Variants in AUTS2 observed in about 807,000 individuals in gnomAD.
AUTS2 encodes the protein autism susceptibility gene 2 protein.
A neutral mutation model predicts 112.4 loss-of-function variants in AUTS2; 17 were observed. That is an observed-to-expected ratio of 0.15 (90% confidence interval 0.10 to 0.23). The LOEUF (loss-of-function observed/expected upper bound fraction) is 0.23. Among genes scored for constraint, AUTS2 ranks in the 10% least tolerant of loss-of-function variants. The pLI is 1.00. For synonymous variants in AUTS2, 751 were observed against 702.7 expected (o/e 1.07, Z -1.09); for missense variants, 1,510 against 1,701.6 (o/e 0.89, Z 1.98).
At chr7:70,649,477 CAG>C (rs1806365815) in intron 5 of AUTS2, among the ~76,000 whole-genome samples, 1 of 151,930 alleles carries the variant, frequency 6.6e-6, no homozygotes, top group Non-Finnish European at 1.5e-5. Context: ...GATTTAATCT[CAG>C]AGTGTCCCAG....
intron 1 of AUTS2, among the ~76,000 whole-genome samples, chr7:69,671,746 C>T: frequency 6.6e-6 from 1 of 152,092 alleles, no homozygotes; most frequent in East Asian, 1.9e-4. Context: ...TTGGATGAAG[C>T]AGCAGTTTGT....
intron 4 of AUTS2, among the ~76,000 whole-genome samples, chr7:70,140,044 A>G (rs1806775707): frequency 6.6e-6 from 1 of 152,158 alleles, no homozygotes. Context: ...TAATTTAATA[A>G]TCCCAGTCTC....
At chr7:70,761,623 G>A (rs1280713913) in intron 6 of AUTS2, among the ~76,000 whole-genome samples, 1 of 152,046 alleles carries the variant, frequency 6.6e-6, no homozygotes, top group African/African-American at 2.4e-5. Context: ...TGCCCTACTG[G>A]TCTTTCGTTA....
chr7:70,049,766 G>T (rs1312185135), intron 2 of AUTS2, among the ~76,000 whole-genome samples: 1 of 152,076 alleles, frequency 6.6e-6, no homozygotes, highest in Non-Finnish European at 1.5e-5. Context: ...CACTTTGAGA[G>T]GCTGAGGCAG....
At chr7:70,615,910 C>A (rs959128530) in intron 5 of AUTS2, among the ~76,000 whole-genome samples, 2 of 151,978 alleles carry the variant, frequency 1.3e-5, no homozygotes, top group Non-Finnish European at 2.9e-5. Context: ...TTGCCGAGCT[C>A]ATTTTTATAT....
intron 5 of AUTS2, among the ~76,000 whole-genome samples, chr7:70,627,978 G>A (rs991836104): frequency 7.2e-5 from 11 of 152,138 alleles, no homozygotes; most frequent in African/African-American, 2.2e-4. Flanking sequence ...GAAGCTTGCC[G>A]GGATACTCTT....
At chr7:70,575,211 G>A (rs1802109418) in intron 5 of AUTS2, among the ~76,000 whole-genome samples, 1 of 152,192 alleles carries the variant, frequency 6.6e-6, no homozygotes, top group Non-Finnish European at 1.5e-5. Context: ...AATCTACTGA[G>A]ATTATTTTTG....
At chr7:70,391,247 T>A (rs1243099920) in intron 4 of AUTS2, among the ~76,000 whole-genome samples, 1 of 152,196 alleles carries the variant, frequency 6.6e-6, no homozygotes, top group African/African-American at 2.4e-5. Context: ...AAATATGTTT[T>A]GTTTGTGTTT....
intron 4 of AUTS2, among the ~76,000 whole-genome samples, chr7:70,308,581 C>T (rs1789591233): frequency 1.3e-5 from 2 of 152,168 alleles, no homozygotes; most frequent in Non-Finnish European, 2.9e-5. Context: ...AATATTGTCA[C>T]TATGGCTCTT....
At chr7:69,809,079 CTT>C (rs113662227) in intron 1 of AUTS2, among the ~76,000 whole-genome samples, 4 of 147,418 alleles carry the variant, frequency 2.7e-5, no homozygotes, top group Admixed American at 6.8e-5. Flanking sequence ...ACATAATTTC[CTT>C]TTTTTTTTTC....
intron 1 of AUTS2, among the ~76,000 whole-genome samples, chr7:69,835,966 C>T (rs987239107): frequency 3.3e-5 from 5 of 152,106 alleles, no homozygotes; most frequent in Non-Finnish European, 5.9e-5. Context: ...TGTCCTAGAA[C>T]GAATTGCCTC....
At chr7:70,341,777 G>A (rs2129620858) in intron 4 of AUTS2, among the ~76,000 whole-genome samples, 1 of 152,342 alleles carries the variant, frequency 6.6e-6, no homozygotes, top group South Asian at 2.1e-4. Context: ...ATCTGTTAGT[G>A]ACTGATTATT....
intron 5 of AUTS2, among the ~76,000 whole-genome samples, chr7:70,600,567 C>T (rs991136511): frequency 8.5e-5 from 13 of 152,316 alleles, no homozygotes; most frequent in South Asian, 2.1e-4. Flanking sequence ...CGGGCCACCG[C>T]GCCCGGCCCA....
At chr7:70,338,709 G>A (rs1051066994) in intron 4 of AUTS2, among the ~76,000 whole-genome samples, 1 of 152,064 alleles carries the variant, frequency 6.6e-6, no homozygotes, top group Non-Finnish European at 1.5e-5. Context: ...AGGACATGTG[G>A]TTTCCTGGAA....
rs184570201 is a variant in AUTS2, at chr7:69,715,846, A to G, written c.309+115884A>G. Among the ~76,000 whole-genome samples the G allele has an allele frequency of 2.0e-5, 3 of 152,316 alleles. No individual in the cohort carries two copies. The East Asian group carries it at 5.8e-4, about 29-fold the overall frequency. On this transcript the variant is annotated intron_variant, in intron 1 of 18. Transcript: ENST00000342771. ...ATGAACTCATTTAATTTTCTCAACA[A>G]CCTTGTAAGGTATAGGTACCGTAAT...
At chr7:70,356,773 G>C (rs1253474300) in intron 4 of AUTS2, among the ~76,000 whole-genome samples, 2 of 150,100 alleles carry the variant, frequency 1.3e-5, no homozygotes, top group African/African-American at 4.9e-5. Flanking sequence ...TACCTTATGT[G>C]CTGGAAAATG....
At chr7:70,152,494 A>T (rs965093943) in intron 4 of AUTS2, among the ~76,000 whole-genome samples, 2 of 152,046 alleles carry the variant, frequency 1.3e-5, no homozygotes, top group African/African-American at 4.8e-5. Flanking sequence ...AGAAGAAAAA[A>T]TTGCCAACCT....
chr7:69,622,858 A>C (rs1248057782), intron 1 of AUTS2, among the ~76,000 whole-genome samples: 1 of 152,220 alleles, frequency 6.6e-6, no homozygotes, highest in Non-Finnish European at 1.5e-5. Flanking sequence ...AAATAATTAC[A>C]CTTTTTCCCT....
At chr7:70,458,752 C>G (rs140500265) in intron 5 of AUTS2, among the ~76,000 whole-genome samples, 17 of 152,268 alleles carry the variant, frequency 1.1e-4, no homozygotes, top group Non-Finnish European at 1.2e-4. Flanking sequence ...CACGGAAAAG[C>G]CATTTCCTTG....
Sources: allele counts gnomAD v4.1 joint callset (sites outside exome capture counted in the v4.1 genomes callset), GRCh38; gene constraint gnomAD v4.1.1; transcripts MANE v1.5; gene names NCBI Gene and HGNC (gene_info 2026-07-23, HGNC 2026-07-21).